Variants in RAD51D observed in about 807,000 individuals in gnomAD.
RAD51D encodes RAD51 paralog D.
Under a neutral mutation model 44.1 loss-of-function variants are expected in RAD51D, and 38 were observed. The ratio of observed to expected loss-of-function variants is 0.86; its 90% CI spans 0.67 to 1.13. RAD51D has a LOEUF of 1.13. RAD51D is among the 50% of genes most tolerant of loss of function. The pLI is 0.00. For synonymous variants in RAD51D, 141 were observed against 166.6 expected (o/e 0.85, Z 1.18); for missense variants, 390 against 414.0 (o/e 0.94, Z 0.50).
chr17:35,110,359 G>T (rs1332588891), intron 3 of RAD51D, among the ~76,000 whole-genome samples: 1 of 151,918 alleles, frequency 6.6e-6, no homozygotes, highest in Non-Finnish European at 1.5e-5. Context: ...TTGAATACAT[G>T]GCTTGTAACT....
At chr17:35,108,424 C>T (rs1597864577) in intron 3 of RAD51D, among the ~76,000 whole-genome samples, 1 of 143,422 alleles carries the variant, frequency 7.0e-6, no homozygotes, top group Admixed American at 7.4e-5. Flanking sequence ...ACTTGGGAGG[C>T]TAAGGTGGGA....
intron 3 of RAD51D, among the ~76,000 whole-genome samples, chr17:35,113,870 A>C (rs2142455928): frequency 6.6e-6 from 1 of 152,328 alleles, no homozygotes; most frequent in South Asian, 2.1e-4. Flanking sequence ...AATGCAGCCC[A>C]CACTTGAAAC....
intron 3 of RAD51D, chr17:35,113,696 A>G (rs1419996476): frequency 8.2e-6 from 2 of 244,180 alleles, no homozygotes; most frequent in Non-Finnish European, 1.7e-5. Context: ...TCTCTGTTTA[A>G]TAAGTATCCA....
At position 35,119,161 on chromosome 17, in the gene RAD51D, C is replaced by G. The variant is rs876659111; in HGVS notation, c.94G>C (p.Val32Leu). Reference sequence around the variant, plus strand: ...GCTACCTCTTCCAGGTCTGCAGAAACCAGGTCCACCACTGAAAACAAAACA... The same window carrying G: ...GCTACCTCTTCCAGGTCTGCAGAAAGCAGGTCCACCACTGAAAACAAAACA... ...SHRIKTVVDL[V>L]SADLEEVAQK... Residue 32 changes from valine (V) to leucine (L), a missense_variant, in exon 2 of 10, where the codon GTT becomes CTT. Coordinates refer to ENST00000345365, the MANE Select transcript of RAD51D (RefSeq NM_002878.4). 2 of 1,613,896 alleles carry G rather than the reference C, an allele frequency of 1.2e-6. No individual in the cohort carries two copies. The highest frequency in any genetic ancestry group is 1.7e-6 in the Non-Finnish European group (2 of 1,179,732).
In RAD51D at chr17:35,093,302, A is replaced by C. The variant is rs1294834385; in HGVS notation, c.*7651T>G. 1 of 152,256 alleles carries C rather than the reference A, an allele frequency of 6.6e-6. No homozygotes were observed. Among genetic ancestry groups the C allele is most frequent in the Non-Finnish European group, 1.5e-5 (1 of 68,042 alleles). The allele number at this position is 152,256 out of a possible 1,614,324, so 9.4% of individuals were successfully genotyped here. A position where few individuals can be genotyped will look rare whatever the true frequency, so the allele number is the denominator to read the frequency against. On this transcript the variant is annotated 3_prime_UTR_variant, in exon 10 of 10. Transcript: ENST00000345365. ...ATTCATCCATTGTTATATGGCAAGT[A>C]AATGTCAAAGCTAGGACCAAGTTAG...
chr17:35,102,624 A>G (rs965805664), intron 8 of RAD51D, among the ~76,000 whole-genome samples: 3 of 131,322 alleles, frequency 2.3e-5, no homozygotes, highest in African/African-American at 8.3e-5. Flanking sequence ...GCGAAACCCT[A>G]TCTCAAAAGA....
chr17:35,116,056 T>G (rs1211925234), intron 3 of RAD51D, among the ~76,000 whole-genome samples: 1 of 129,506 alleles, frequency 7.7e-6, no homozygotes, highest in Non-Finnish European at 1.6e-5. Flanking sequence ...CACAATACAT[T>G]CCAAACTCCG....
At chr17:35,115,454 G>A (rs2091725187) in intron 3 of RAD51D, among the ~76,000 whole-genome samples, 1 of 152,050 alleles carries the variant, frequency 6.6e-6, no homozygotes, top group Non-Finnish European at 1.5e-5. Context: ...GTTCTGAGGC[G>A]GCCTACAACA....
rs2142479860 is a variant in RAD51D, at chr17:35,119,514, A to T, written c.82+18T>A. 6.2e-7 allele frequency: 1 copy of T among 1,610,050 alleles called. No individual in the cohort carries two copies. Among genetic ancestry groups the T allele is most frequent in the East Asian group, 2.2e-5 (1 of 44,856 alleles). On this transcript the variant is annotated intron_variant, in intron 1 of 9. Coordinates refer to ENST00000345365, the MANE Select transcript of RAD51D (RefSeq NM_002878.4). ...TGCGAGGCCCGCGCGGCTCCCTGGC[A>T]CGCGCACACCCGGTCACCTGTCTTG...
chr17:35,103,681 G>C lies in RAD51D; in HGVS notation c.577-137C>G. 1.4e-6 allele frequency: 1 copy of C among 709,580 alleles called. No homozygotes were observed. The highest frequency in any genetic ancestry group is 1.7e-5 in the African/African-American group (1 of 57,340). The allele number at this position is 709,580 out of a possible 1,614,324, so 44.0% of individuals were successfully genotyped here. A position where few individuals can be genotyped will look rare whatever the true frequency, so the allele number is the denominator to read the frequency against. On this transcript the variant is annotated intron_variant, in intron 6 of 9. Coordinates refer to ENST00000345365, the MANE Select transcript of RAD51D (RefSeq NM_002878.4). The surrounding 1 kb of genome is among the most constrained non-coding windows in gnomAD (Gnocchi z 4.1). ...TACAGCAAGCTGCACGGGCATCACA[G>C]AATGTCATCAGCAGCAATGTCTCCC... is the stretch of plus-strand genomic sequence containing the variant.
rs1441309088 is a variant in RAD51D at position 35,095,696 on chromosome 17, G to A, written c.*5257C>T. ...AGTCGTAGTCCCAGCTACTCAGGAG[G>A]CTGAGGCAGGAGAATCACTTGAACC... is the stretch of plus-strand genomic sequence containing the variant. On this transcript the variant is annotated 3_prime_UTR_variant, in exon 10 of 10. Coordinates refer to ENST00000345365, the MANE Select transcript of RAD51D (RefSeq NM_002878.4). 2 of 152,176 alleles carry A rather than the reference G, an allele frequency of 1.3e-5. No individual in the cohort carries two copies. The highest frequency in any genetic ancestry group is 2.4e-5 in the African/African-American group (1 of 41,378). The allele number at this position is 152,176 out of a possible 1,614,324, so 9.4% of individuals were successfully genotyped here. A position where few individuals can be genotyped will look rare whatever the true frequency, so the allele number is the denominator to read the frequency against.
rs2091484851 is a variant in RAD51D, at chr17:35,096,175, C to G, written c.*4778G>C. 1 of 152,160 alleles carries G rather than the reference C, an allele frequency of 6.6e-6. No individual in the cohort carries two copies. The highest frequency in any genetic ancestry group is 1.5e-5 in the Non-Finnish European group (1 of 68,024). The allele number at this position is 152,160 out of a possible 1,614,324, so 9.4% of individuals were successfully genotyped here. ...AAAACTATATTTGCTTTAATTTTGT[C>G]TTTTAACACCTTGTTTTCTTAATTT... On this transcript the variant is annotated 3_prime_UTR_variant, in exon 10 of 10. Transcript: ENST00000345365.
In RAD51D at chr17:35,103,096, T is replaced by C. The variant is rs900000838; in HGVS notation, c.738+158A>G. On this transcript the variant is annotated intron_variant, in intron 8 of 9. Transcript: ENST00000345365. This position sits in a 1 kb window ranked among gnomAD's most constrained non-coding sequence, Gnocchi z 4.1. Reference sequence around the variant, plus strand: ...AACAACAAGACGATTCCTGATTCCCTTAGCTATTTATGGTGCAAAGCTGTA... The same window carrying C: ...AACAACAAGACGATTCCTGATTCCCCTAGCTATTTATGGTGCAAAGCTGTA... Among the ~76,000 whole-genome samples the C allele has an allele frequency of 2.0e-5, 3 of 152,244 alleles. No individual in the cohort carries two copies. Among genetic ancestry groups the C allele is most frequent in the African/African-American group, 7.2e-5 (3 of 41,460 alleles).
Position 35,119,191 on chromosome 17 carries a change from T to C in RAD51D, c.83-19A>G, listed in dbSNP as rs1057523591. 1.9e-6 allele frequency: 3 copies of C among 1,608,784 alleles called. No individual in the cohort carries two copies. The highest frequency in any genetic ancestry group is 2.6e-6 in the Non-Finnish European group (3 of 1,175,126). ...TCCACCACTGAAAACAAAACACGTATAGCGGATTGGCAGAGAGGACTGGGG... is the reference window on the plus strand; with the variant it reads ...TCCACCACTGAAAACAAAACACGTACAGCGGATTGGCAGAGAGGACTGGGG... On this transcript the variant is annotated intron_variant, in intron 1 of 9. Transcript: ENST00000345365.
chr17:35,102,442 A>AT (rs77699085), intron 8 of RAD51D, among the ~76,000 whole-genome samples: 2 of 151,346 alleles, frequency 1.3e-5, no homozygotes, highest in Non-Finnish European at 2.9e-5. Context: ...CACCTGGCCT[A>AT]TTTTTTTTTA....
Position 35,101,225 on chromosome 17 carries a change from C to G in RAD51D, c.879G>C (p.Ala293=), listed in dbSNP as rs368209468. 6 of 1,614,134 alleles carry G rather than the reference C, an allele frequency of 3.7e-6. No individual in the cohort carries two copies. In the Admixed American group the frequency reaches 8.3e-5, roughly 22 times the overall value. The change falls in exon 9 of 10, where the codon GCG becomes GCC. Residue 293 remains alanine (A), a synonymous_variant. Transcript: ENST00000345365. ...GAGASGGRRM[A]CLAKSSRQPT... The stretch of plus-strand genomic sequence containing the variant: ...CCTGTCGGGAAGATTTGGCCAGACA[C>G]GCCATGCGCCGGCCGCCTGATGCTC...
chr17:35,116,004 A>AGAAAGAAAGAAG (rs2091740715), intron 3 of RAD51D, among the ~76,000 whole-genome samples: 1 of 151,606 alleles, frequency 6.6e-6, no homozygotes, highest in Non-Finnish European at 1.5e-5. Flanking sequence ...AAAGAAAGAA[A>AGAAAGAAAGAAG]GAAAGAAAGG....
intron 3 of RAD51D, among the ~76,000 whole-genome samples, chr17:35,117,984 A>G (rs2091769468): frequency 6.6e-6 from 1 of 152,224 alleles, no homozygotes; most frequent in Non-Finnish European, 1.5e-5. Flanking sequence ...TAGAACATAC[A>G]GGTAATGCCT....
At chr17:35,109,874 T>C (rs1274221397) in intron 3 of RAD51D, among the ~76,000 whole-genome samples, 6 of 151,658 alleles carry the variant, frequency 4.0e-5, no homozygotes, top group African/African-American at 1.2e-4. Flanking sequence ...TTCATGTTGG[T>C]CAGGCTGATC....
Sources: allele counts gnomAD v4.1 joint callset (sites outside exome capture counted in the v4.1 genomes callset), GRCh38; gene constraint gnomAD v4.1.1; non-coding constraint Gnocchi (gnomAD v3.1); transcripts MANE v1.5; gene names NCBI Gene and HGNC (gene_info 2026-07-23, HGNC 2026-07-21).